The following GAS7 variants were observed in gnomAD, a reference collection of about 807,000 sequenced individuals.
GAS7 encodes the protein growth arrest-specific protein 7.
A neutral mutation model predicts 71.1 loss-of-function variants in GAS7; 28 were observed. The observed-to-expected ratio is 0.39, with a 90% CI of 0.29 to 0.54. The LOEUF (loss-of-function observed/expected upper bound fraction) is 0.54. Among genes scored for constraint, GAS7 ranks in the 20% least tolerant of loss-of-function variants. The probability of loss-of-function intolerance (pLI) is 0.62; values close to 1 mark genes in which losing one functional copy is unlikely to be tolerated. For synonymous variants in GAS7, 258 were observed against 245.8 expected, an observed-to-expected ratio of 1.05 and a Z score of -0.46; for missense variants, 436 against 627.8, an observed-to-expected ratio of 0.69 and a Z score of 3.27.
intron 6 of GAS7, among the ~76,000 whole-genome samples, chr17:9,946,428 C>T (rs55791509): frequency 0.34 from 52,159 of 152,004 alleles, 9,389 homozygotes; most frequent in African/African-American, 0.44. Flanking sequence ...GATCTGCAAA[C>T]GTTTTAAAAC....
intron 1 of GAS7, 141 bp from the exon 2 acceptor site, chr17:10,020,038 G>C: frequency 5.3e-6 from 4 of 758,088 alleles, no homozygotes; most frequent in South Asian, 4.9e-5. Context: ...TGAGGTCAGA[G>C]GCAGCACACA....
chr17:10,126,531 A>C (rs1056311399), intron 1 of GAS7, among the ~76,000 whole-genome samples: 2 of 50,436 alleles, frequency 4.0e-5, no homozygotes, highest in African/African-American at 1.6e-4. Context: ...ACACACAAGC[A>C]CACACACAAA....
chr17:10,140,787 G>A (rs942786496), intron 1 of GAS7, among the ~76,000 whole-genome samples: 22 of 152,226 alleles, frequency 1.4e-4, no homozygotes, highest in African/African-American at 5.1e-4. Flanking sequence ...GAAGGCTGGG[G>A]TAGTGGAAAG....
intron 5 of GAS7, among the ~76,000 whole-genome samples, chr17:9,952,753 A>T (rs915143740): frequency 3.3e-5 from 5 of 152,162 alleles, no homozygotes; most frequent in African/African-American, 9.7e-5. Flanking sequence ...AATGCTCATC[A>T]CCGCTAATCA....
intron 1 of GAS7, among the ~76,000 whole-genome samples, chr17:10,027,530 A>C (rs2072496208): frequency 6.6e-6 from 1 of 152,236 alleles, no homozygotes; most frequent in Non-Finnish European, 1.5e-5. Flanking sequence ...CGCCTCCTTC[A>C]GTGGGATTGA....
intron 1 of GAS7, among the ~76,000 whole-genome samples, chr17:10,098,955 CA>C (rs1035746264): frequency 6.6e-6 from 1 of 151,668 alleles, no homozygotes; most frequent in Non-Finnish European, 1.5e-5. Context: ...GACTCCATCT[CA>C]AAAAAAGAAA....
intron 1 of GAS7, among the ~76,000 whole-genome samples, chr17:10,110,973 C>T (rs2073806096): frequency 6.6e-6 from 1 of 152,190 alleles, no homozygotes; most frequent in African/African-American, 2.4e-5. Flanking sequence ...ACATCTACCC[C>T]ATAAATATGT....
chr17:10,000,802 G>T (rs7208463), intron 2 of GAS7, among the ~76,000 whole-genome samples: 1 of 151,986 alleles, frequency 6.6e-6, no homozygotes, highest in African/African-American at 2.4e-5. Context: ...AAGGCTTTGC[G>T]TCTGCTCTGT....
chr17:10,109,164 A>T (rs748656160), intron 1 of GAS7, among the ~76,000 whole-genome samples: 135 of 152,346 alleles, frequency 8.9e-4, no homozygotes, highest in Non-Finnish European at 1.6e-3. Context: ...ATAACCATTA[A>T]AAAGTAGGCA....
intron 1 of GAS7, among the ~76,000 whole-genome samples, chr17:10,156,303 C>T (rs1341095644): frequency 6.6e-6 from 1 of 152,188 alleles, no homozygotes; most frequent in African/African-American, 2.4e-5. Context: ...GCCATGGGTG[C>T]CCTTCGCCTG....
chr17:10,155,171 C>T (rs1373542535), intron 1 of GAS7, among the ~76,000 whole-genome samples: 3 of 152,034 alleles, frequency 2.0e-5, no homozygotes, highest in African/African-American at 7.3e-5. Flanking sequence ...CGTACCAACA[C>T]ACCCAGCTAA....
At chr17:10,059,268 C>G (rs1371614398) in intron 1 of GAS7, among the ~76,000 whole-genome samples, 4 of 152,180 alleles carry the variant, frequency 2.6e-5, no homozygotes, top group African/African-American at 4.8e-5. Context: ...CTCTATTATG[C>G]TACTTGGAGC....
At chr17:9,929,187 T>C (rs1305194731) in intron 9 of GAS7, among the ~76,000 whole-genome samples, 1 of 152,198 alleles carries the variant, frequency 6.6e-6, no homozygotes, top group African/African-American at 2.4e-5. Context: ...CTCAGCCTGC[T>C]GACTCAGAAA....
intron 5 of GAS7, among the ~76,000 whole-genome samples, chr17:9,956,575 C>T (rs909949438): frequency 6.6e-6 from 1 of 152,188 alleles, no homozygotes; most frequent in African/African-American, 2.4e-5. Context: ...GCACACTCCA[C>T]CTGCCAGCCC....
intron 1 of GAS7, among the ~76,000 whole-genome samples, chr17:10,024,096 C>G (rs181196528): frequency 6.6e-6 from 1 of 152,060 alleles, no homozygotes; most frequent in African/African-American, 2.4e-5. Context: ...TGTACTCCAG[C>G]CTGGGTGACA....
intron 1 of GAS7, chr17:10,020,130 G>A (rs1327442802): frequency 1.1e-5 from 5 of 443,508 alleles, no homozygotes; most frequent in Non-Finnish European, 2.1e-5. Flanking sequence ...CAGCTCCTCT[G>A]GGAGCAGAGA....
chr17:9,939,614 C>CCTTTTTTTTT (rs1555596733), intron 8 of GAS7, among the ~76,000 whole-genome samples: 1 of 144,336 alleles, frequency 6.9e-6, no homozygotes, highest in African/African-American at 2.5e-5. Flanking sequence ...GTGGAAGTGC[C>CCTTTTTTTTT]TTTTTTTTTT....
chr17:9,964,620 G>A (rs1442815465), intron 4 of GAS7, among the ~76,000 whole-genome samples: 1 of 152,120 alleles, frequency 6.6e-6, no homozygotes, highest in Non-Finnish European at 1.5e-5. Flanking sequence ...CATCATTCCA[G>A]TCTTAGAATA....
chr17:10,036,253 C>T (rs577875815), intron 1 of GAS7, among the ~76,000 whole-genome samples: 1 of 151,948 alleles, frequency 6.6e-6, no homozygotes, highest in South Asian at 2.1e-4. Flanking sequence ...CCTGCTCATG[C>T]CTTGGATCTG....
Sources: gnomAD v4.1 joint callset for allele counts (sites outside exome capture counted in the v4.1 genomes callset) on GRCh38, gnomAD v4.1.1 for gene constraint, MANE v1.5 for transcripts, NCBI Gene and HGNC (gene_info 2026-07-23, HGNC 2026-07-21) for gene names.